Variants in LRP1B observed in about 807,000 individuals in gnomAD.
LRP1B encodes low-density lipoprotein receptor-related protein 1B.
Under a neutral mutation model 556.6 loss-of-function variants are expected in LRP1B, and 217 were observed. That is an observed-to-expected ratio of 0.39 (90% CI 0.35 to 0.44). The LOEUF (loss-of-function observed/expected upper bound fraction) is 0.44, where lower values mean the gene tolerates loss of function less well. LRP1B is among the 20% of genes least tolerant of loss of function. The pLI, the probability that LRP1B is intolerant of heterozygous loss-of-function variation, is 1.00. For missense variants in LRP1B, 5,053 were observed against 5,620.8 expected (o/e 0.90, Z 3.23); for synonymous variants, 2,047 against 1,865.8 (o/e 1.10, Z -2.50).
rs71281835 is a variant in LRP1B at position 141,517,259 on chromosome 2, T to TACACACACACAC, written c.206-36727_206-36726insGTGTGTGTGTGT. 6.1e-3 allele frequency among the ~76,000 whole-genome samples: 869 copies of TACACACACACAC among 141,446 alleles called. 19 individuals are homozygous for TACACACACACAC. The highest frequency in any genetic ancestry group is 0.02 in the African/African-American group (766 of 38,450). 92.8% of individuals were successfully genotyped at this position (141,446 alleles called of 152,430 possible). A position where few individuals can be genotyped will look rare whatever the true frequency, so the allele number is the denominator to read the frequency against. On this transcript the variant is annotated intron_variant, in intron 2 of 90. Coordinates refer to ENST00000389484, the MANE Select transcript of LRP1B (RefSeq NM_018557.3). The stretch of plus-strand genomic sequence containing the variant: ...TGACCATGTCTTAGAAGGACAAGAA[T>TACACACACACAC]ACGCACACACACAGACACACACACA...
intron 60 of LRP1B, among the ~76,000 whole-genome samples, chr2:140,470,925 G>T (rs1687743139): frequency 6.6e-6 from 1 of 152,072 alleles, no homozygotes; most frequent in Non-Finnish European, 1.5e-5. Flanking sequence ...TCTCCAGTTT[G>T]AGGAGATCCT....
In LRP1B at chr2:141,769,097, A is replaced by G. The variant is rs1286358492; in HGVS notation, c.205+41182T>C. 3.3e-5 allele frequency among the ~76,000 whole-genome samples: 5 copies of G among 152,158 alleles called. No homozygotes were observed. In the East Asian group the frequency reaches 9.6e-4, roughly 29 times the overall value. On this transcript the variant is annotated intron_variant, in intron 2 of 90. Coordinates refer to ENST00000389484, the MANE Select transcript of LRP1B (RefSeq NM_018557.3). ...AAAGTCACATGACTCTTATAGGTGA[A>G]GATGAGATTCCAAACCCAGAGCACC...
At chr2:141,814,377 T>C (rs1249204652) in intron 1 of LRP1B, among the ~76,000 whole-genome samples, 1 of 152,192 alleles carries the variant, frequency 6.6e-6, no homozygotes, top group Non-Finnish European at 1.5e-5. Context: ...GGTTTCTTCC[T>C]TCCTCCTCTC....
intron 10 of LRP1B, among the ~76,000 whole-genome samples, chr2:141,053,282 G>A (rs576481830): frequency 4.7e-4 from 71 of 151,878 alleles, no homozygotes; most frequent in African/African-American, 1.5e-3. Context: ...CCTTTTTGCC[G>A]CTTCTGCTGG....
chr2:140,526,025 A>C (rs1690416992), intron 48 of LRP1B, 32 bp from the exon 49 acceptor site: 9 of 1,606,382 alleles, frequency 5.6e-6, no homozygotes, highest in Non-Finnish European at 7.7e-6. Context: ...ATGAAAAAGT[A>C]CCTCATTTTC....
chr2:141,123,241 T>TA (rs11397293), intron 7 of LRP1B, among the ~76,000 whole-genome samples: 36,719 of 139,708 alleles, frequency 0.26, 4,992 homozygotes, highest in East Asian at 0.45. Context: ...TAAAGTATAA[T>TA]AAAAAAAAAT....
chr2:141,089,852 A>G (rs1164158666), intron 7 of LRP1B, among the ~76,000 whole-genome samples: 1 of 152,224 alleles, frequency 6.6e-6, no homozygotes, highest in Non-Finnish European at 1.5e-5. Context: ...AGGTGCTGGC[A>G]GTTGGAAGTT....
intron 66 of LRP1B, among the ~76,000 whole-genome samples, chr2:140,411,710 A>G (rs1480168840): frequency 2.0e-5 from 3 of 151,740 alleles, no homozygotes; most frequent in Non-Finnish European, 4.4e-5. Flanking sequence ...CATCTATTAA[A>G]TGAGGATAAT....
intron 41 of LRP1B, among the ~76,000 whole-genome samples, chr2:140,686,235 C>A (rs79114530): frequency 0.037 from 5,684 of 152,092 alleles, 205 homozygotes; most frequent in East Asian, 0.17. Flanking sequence ...CACATAAAAT[C>A]TGGAGAGGAG....
At chr2:141,474,058 TC>T (rs1390000302) in intron 3 of LRP1B, among the ~76,000 whole-genome samples, 48,447 of 125,678 alleles carry the variant, frequency 0.39, 9,622 homozygotes, top group Non-Finnish European at 0.44. Flanking sequence ...CCTTCCTTCC[TC>T]CCTCCCTCCC....
intron 3 of LRP1B, among the ~76,000 whole-genome samples, chr2:141,350,258 A>G: frequency 6.6e-6 from 1 of 151,964 alleles, no homozygotes; most frequent in East Asian, 1.9e-4. Flanking sequence ...TTGGAATATG[A>G]AAACCATTTC....
intron 77 of LRP1B, among the ~76,000 whole-genome samples, chr2:140,341,455 A>T (rs1448135529): frequency 2.0e-5 from 3 of 151,442 alleles, no homozygotes; most frequent in Non-Finnish European, 3.0e-5. Context: ...AGACCTAAAA[A>T]CACATTATGT....
chr2:140,526,418 A>G, intron 47 of LRP1B, 68 bp from the exon 48 acceptor site: 1 of 1,002,350 alleles, frequency 1.0e-6, no homozygotes, highest in South Asian at 1.4e-5. Flanking sequence ...TACATTTTGA[A>G]TATTTCAATT....
At chr2:141,870,732 CT>C (rs1378044688) in intron 1 of LRP1B, among the ~76,000 whole-genome samples, 1 of 151,818 alleles carries the variant, frequency 6.6e-6, no homozygotes, top group Non-Finnish European at 1.5e-5. Context: ...GGATATGTCA[CT>C]CTTAGAAAAC....
intron 79 of LRP1B, among the ~76,000 whole-genome samples, chr2:140,332,579 G>C (rs1428464578): frequency 6.6e-6 from 1 of 152,038 alleles, no homozygotes; most frequent in Non-Finnish European, 1.5e-5. Flanking sequence ...GGTTGAAGCA[G>C]CTTTGCTTGG....
chr2:141,265,647 CTG>C (rs1344546001), intron 3 of LRP1B, among the ~76,000 whole-genome samples: 1 of 152,162 alleles, frequency 6.6e-6, no homozygotes, highest in Admixed American at 6.5e-5. Flanking sequence ...TCCACTGAAA[CTG>C]TACACATTCA....
Position 140,743,985 on chromosome 2 carries a change from AAAAAAAGT to A in LRP1B, c.5758+25220_5758+25227del, listed in dbSNP as rs1461649189. Reference sequence around the variant, plus strand: ...GGTCTCAAAAAAAAAAAAAAAAAAAAAAAAAAGTAAAAAGTAAAATCCATAGACATAGA... The same window carrying A: ...GGTCTCAAAAAAAAAAAAAAAAAAAAAAAAAGTAAAATCCATAGACATAGA... On this transcript the variant is annotated intron_variant, in intron 35 of 90. Transcript: ENST00000389484. Among the ~76,000 whole-genome samples the A allele has an allele frequency of 1.1e-3, 32 of 29,758 alleles. 2 individuals are homozygous for A. The highest frequency in any genetic ancestry group is 0.014 in the Middle Eastern group (1 of 74). 19.5% of individuals were successfully genotyped at this position (29,758 alleles called of 152,430 possible). A position where few individuals can be genotyped will look rare whatever the true frequency, so the allele number is the denominator to read the frequency against.
chr2:140,448,916 T>A (rs1686776317), intron 63 of LRP1B, among the ~76,000 whole-genome samples: 1 of 152,060 alleles, frequency 6.6e-6, no homozygotes, highest in African/African-American at 2.4e-5. Context: ...TATTAGTATT[T>A]AACCAAAACA....
intron 11 of LRP1B, among the ~76,000 whole-genome samples, chr2:141,045,138 G>A (rs1419045879): frequency 2.3e-5 from 3 of 133,310 alleles, no homozygotes; most frequent in Non-Finnish European, 3.2e-5. Flanking sequence ...GATGAAATTG[G>A]AAATCATCAT....
Sources: gnomAD v4.1 joint callset for allele counts (sites outside exome capture counted in the v4.1 genomes callset) on GRCh38, gnomAD v4.1.1 for gene constraint, MANE v1.5 for transcripts, NCBI Gene and HGNC (gene_info 2026-07-23, HGNC 2026-07-21) for gene names.